The following CERKL variants were observed in gnomAD, a reference collection of about 807,000 sequenced individuals.
CERKL encodes CERK like autophagy regulator.
Under a neutral mutation model 63.4 loss-of-function variants are expected in CERKL, and 61 were observed. The ratio of observed to expected loss-of-function variants is 0.96; its 90% CI spans 0.78 to 1.19. The LOEUF is 1.19. CERKL is among the 50% of genes most tolerant of loss of function. CERKL has a pLI of 0.00. For missense variants in CERKL, 675 were observed against 655.5 expected (o/e 1.03, Z -0.33); for synonymous variants, 250 against 230.5 (o/e 1.08, Z -0.77).
At chr2:181,540,960 G>C (rs931015285) in intron 11 of CERKL, among the ~76,000 whole-genome samples, 1 of 152,204 alleles carries the variant, frequency 6.6e-6, no homozygotes, top group Non-Finnish European at 1.5e-5. Flanking sequence ...AAAGTCTGGA[G>C]AGAGGAAGCA....
At chr2:181,607,165 C>T (rs1685754167) in intron 1 of CERKL, among the ~76,000 whole-genome samples, 1 of 152,196 alleles carries the variant, frequency 6.6e-6, no homozygotes, top group Non-Finnish European at 1.5e-5. Flanking sequence ...TGGAAAACTC[C>T]ACCGTATCCT....
At chr2:181,543,675 C>T (rs1369027272) in intron 11 of CERKL, among the ~76,000 whole-genome samples, 3 of 152,160 alleles carry the variant, frequency 2.0e-5, no homozygotes, top group African/African-American at 7.2e-5. Flanking sequence ...TCTATCCAAG[C>T]ACCATTTTAT....
intron 2 of CERKL, among the ~76,000 whole-genome samples, chr2:181,580,297 G>A (rs1191876413): frequency 2.0e-5 from 3 of 151,784 alleles, no homozygotes; most frequent in African/African-American, 7.3e-5. Context: ...CGTTGCTGCT[G>A]TCAACGTGTT....
At chr2:181,587,527 C>A (rs1684817520) in intron 2 of CERKL, among the ~76,000 whole-genome samples, 1 of 152,022 alleles carries the variant, frequency 6.6e-6, no homozygotes, top group African/African-American at 2.4e-5. Context: ...ATAGAGTAGA[C>A]CTATTTAACT....
chr2:181,614,975 TGGC>T (rs1449637825), intron 1 of CERKL, among the ~76,000 whole-genome samples: 1 of 152,226 alleles, frequency 6.6e-6, no homozygotes, highest in Admixed American at 6.5e-5. Context: ...TAATTTTGCT[TGGC>T]GGCATGTGGT....
chr2:181,569,487 C>T (rs1432846933), intron 3 of CERKL, among the ~76,000 whole-genome samples: 2 of 152,062 alleles, frequency 1.3e-5, no homozygotes, highest in African/African-American at 4.8e-5. Flanking sequence ...TATGAAGAGG[C>T]TTGTTAACAG....
At chr2:181,624,478 C>T (rs1415067487) in intron 1 of CERKL, among the ~76,000 whole-genome samples, 5 of 152,018 alleles carry the variant, frequency 3.3e-5, no homozygotes, top group Non-Finnish European at 5.9e-5. Context: ...AAGGCTACAG[C>T]GAGCTATGAT....
chr2:181,554,535 T>C (rs1450888773), intron 5 of CERKL, among the ~76,000 whole-genome samples: 1 of 152,190 alleles, frequency 6.6e-6, no homozygotes, highest in Non-Finnish European at 1.5e-5. Flanking sequence ...TATTTTTATG[T>C]CCTCTCAGGC....
intron 1 of CERKL, among the ~76,000 whole-genome samples, chr2:181,611,303 A>C (rs1685959319): frequency 6.6e-6 from 1 of 152,106 alleles, no homozygotes; most frequent in South Asian, 2.1e-4. Flanking sequence ...CTAAATGTAC[A>C]ATAATGGAGT....
chr2:181,630,431 A>C (rs1433062926), intron 1 of CERKL, among the ~76,000 whole-genome samples: 1 of 152,144 alleles, frequency 6.6e-6, no homozygotes, highest in Non-Finnish European at 1.5e-5. Flanking sequence ...TGTTCCCCTA[A>C]AATATGTTTA....
chr2:181,657,048 G>T lies in CERKL; in HGVS notation c.-42C>A. 6.5e-7 allele frequency: 1 copy of T among 1,528,880 alleles called. No homozygotes were observed. The allele number at this position is 1,528,880 out of a possible 1,614,324, so 94.7% of individuals were successfully genotyped here. On this transcript the variant is annotated 5_prime_UTR_variant, in exon 1 of 13. Transcript: ENST00000410087. ...GGGCCCGAGCCAGGGGTCCGGGGAG[G>T]CCTTTGGAGAAGGAGGTGGAGGGCG...
intron 3 of CERKL, among the ~76,000 whole-genome samples, chr2:181,569,621 G>A (rs1688814914): frequency 6.6e-6 from 1 of 152,164 alleles, no homozygotes; most frequent in Non-Finnish European, 1.5e-5. Context: ...GCCCTGAGCT[G>A]GCAGAGATCA....
chr2:181,562,832 C>A (rs974268523), intron 4 of CERKL, among the ~76,000 whole-genome samples: 6 of 151,328 alleles, frequency 4.0e-5, no homozygotes, highest in Non-Finnish European at 8.8e-5. Context: ...TTTTTTCTTT[C>A]TGGAAAAGTT....
At chr2:181,656,722 G>A (rs753559475) in intron 1 of CERKL, 47 bp downstream of exon 1, 27 of 1,486,768 alleles carry the variant, frequency 1.8e-5, no homozygotes, top group Non-Finnish European at 2.3e-5. Context: ...CCGGGGAGAG[G>A]GAGGAAGCGC....
rs1688536120 is a variant in CERKL at position 181,563,604 on chromosome 2, C to G, written c.677+2454G>C. Among the ~76,000 whole-genome samples the G allele has an allele frequency of 5.2e-5, 3 of 57,222 alleles. No individual in the cohort carries two copies. In the South Asian group the frequency reaches 1.1e-3, roughly 21 times the overall value. 37.5% of individuals were successfully genotyped at this position (57,222 alleles called of 152,430 possible). A position where few individuals can be genotyped will look rare whatever the true frequency, so the allele number is the denominator to read the frequency against. On this transcript the variant is annotated intron_variant, in intron 4 of 12. Coordinates refer to ENST00000410087, the MANE Select transcript of CERKL (RefSeq NM_201548.5). The stretch of plus-strand genomic sequence containing the variant: ...AAATGCCATAGCATTTTGGGGTTAA[C>G]CTTCTCTCATCTCTGCACCTTTTCT...
intron 1 of CERKL, among the ~76,000 whole-genome samples, chr2:181,624,166 C>T (rs1369289501): frequency 6.6e-6 from 1 of 152,030 alleles, no homozygotes; most frequent in Non-Finnish European, 1.5e-5. Context: ...GTAATATAGA[C>T]TACATTAAGG....
chr2:181,647,818 A>G (rs940853273), intron 1 of CERKL, among the ~76,000 whole-genome samples: 13 of 152,152 alleles, frequency 8.5e-5, no homozygotes, highest in African/African-American at 2.9e-4. Flanking sequence ...GATCTTAAAA[A>G]AATTCAGCAG....
At chr2:181,606,076 AAAAG>A (rs1435655528) in intron 1 of CERKL, among the ~76,000 whole-genome samples, 2 of 151,442 alleles carry the variant, frequency 1.3e-5, no homozygotes, top group African/African-American at 2.4e-5. Context: ...GGAAGAGTGA[AAAAG>A]AAAGAGAAAG....
chr2:181,656,988 T>A lies in CERKL; in HGVS notation c.19A>T (p.Arg7Trp). Residue 7 changes from arginine to tryptophan, a missense_variant, in exon 1 of 13, where the codon AGG (arginine) becomes TGG (tryptophan). Arg to Trp is a moderately radical substitution (Grantham distance 101). Coordinates refer to ENST00000410087, the MANE Select transcript of CERKL (RefSeq NM_201548.5). MPWRRRRNRVSALEGGR... is the reference protein window; with the variant it reads MPWRRRWNRVSALEGGR... Reference sequence around the variant, plus strand: ...CCCTCCAGGGCACTCACCCGGTTCCTGCGCCTCCTCCAGGGCATGGCGGAG... The same window carrying A: ...CCCTCCAGGGCACTCACCCGGTTCCAGCGCCTCCTCCAGGGCATGGCGGAG... The A allele has an allele frequency of 1.9e-6, 3 of 1,581,080 alleles. No homozygotes were observed. Among genetic ancestry groups the A allele is most frequent in the Non-Finnish European group, 2.6e-6 (3 of 1,168,254 alleles).
Sources: gnomAD v4.1 joint callset for allele counts (sites outside exome capture counted in the v4.1 genomes callset) on GRCh38, gnomAD v4.1.1 for gene constraint, MANE v1.5 for transcripts, NCBI Gene and HGNC (gene_info 2026-07-23, HGNC 2026-07-21) for gene names.